Variants in CACNA1F observed in about 807,000 individuals in gnomAD.
The protein encoded by CACNA1F is voltage-dependent L-type calcium channel subunit alpha-1F.
Under a neutral mutation model 143.8 loss-of-function variants are expected in CACNA1F, and 59 were observed. That is an observed-to-expected ratio of 0.41 (90% CI 0.33 to 0.51). The LOEUF is 0.51. Among genes scored for constraint, CACNA1F ranks in the 20% least tolerant of loss-of-function variants. CACNA1F has a pLI of 0.22. For synonymous variants in CACNA1F, 643 were observed against 649.1 expected (o/e 0.99, Z 0.14); for missense variants, 1,411 against 1,647.5 (o/e 0.86, Z 2.48).
rs373076391 is a variant in CACNA1F at position 49,223,817 on chromosome X, C to T, written c.1878-681G>A. 6.7e-4 allele frequency among the ~76,000 whole-genome samples: 70 copies of T among 104,066 alleles called. 1 individual carries two copies. The East Asian group carries it at 0.018, about 27-fold the overall frequency. The allele number at this position is 104,066 out of a possible 115,157, so 90.4% of individuals were successfully genotyped here. The stretch of plus-strand genomic sequence containing the variant: ...CACAATCTCGTCTCACTGCAACCTC[C>T]ACCTTCCAGGTTCAAGCGATTCTCC... On this transcript the variant is annotated intron_variant, in intron 14 of 47. Coordinates refer to ENST00000323022, the MANE Select transcript of CACNA1F (RefSeq NM_001256789.3).
chrX:49,214,677 G>A (rs1376557966), intron 29 of CACNA1F, among the ~76,000 whole-genome samples: 1 of 111,932 alleles, frequency 8.9e-6, no homozygotes, highest in Non-Finnish European at 1.9e-5. Flanking sequence ...GAATGGTGAA[G>A]CAGAAAGATA....
intron 8 of CACNA1F, among the ~76,000 whole-genome samples, chrX:49,227,491 T>C (rs900660135): frequency 9.0e-6 from 1 of 111,463 alleles, no homozygotes; most frequent in Non-Finnish European, 1.9e-5. Context: ...TGCCCAGCTA[T>C]TTTTGTTCAT....
At position 49,207,099 on chromosome X, in the gene CACNA1F, C is replaced by A. The variant is rs1557105119; in HGVS notation, c.5137G>T (p.Ala1713Ser). ...TCTTCTGGGATGGTGAAAATGAGAG[C>A]CCCAGAGCCTCTCCTGGGGAAAGGG... is the stretch of plus-strand genomic sequence containing the variant. ...GSNTHRRGSG[A>S]LIFTIPEEGN... The change falls in exon 44 of 48, where the codon GCT becomes TCT. Residue 1713 changes from alanine (A) to serine (S), a missense_variant. Transcript: ENST00000323022. The A allele has an allele frequency of 4.2e-6, 5 of 1,179,255 alleles. No homozygotes were observed. Among genetic ancestry groups the A allele is most frequent in the Non-Finnish European group, 4.6e-6 (4 of 872,017 alleles).
chrX:49,218,546 G>A lies in CACNA1F; in HGVS notation c.2841-4C>T, dbSNP rs1557108022. ...CACCACCGAGATGGCGCTGGAGCTGGGGAAGGGGCAATCCTCAGGCATTGG... is the reference window on the plus strand; with the variant it reads ...CACCACCGAGATGGCGCTGGAGCTGAGGAAGGGGCAATCCTCAGGCATTGG... On this transcript the variant is annotated splice_region_variant and splice_polypyrimidine_tract_variant and intron_variant, in intron 23 of 47. Transcript: ENST00000323022. 1.7e-6 allele frequency: 2 copies of A among 1,192,597 alleles called. No homozygotes were observed. The highest frequency in any genetic ancestry group is 6.0e-5 in the East Asian group (2 of 33,180).
At position 49,209,950 on chromosome X, in the gene CACNA1F, G is replaced by T; in HGVS notation, c.4681C>A (p.Pro1561Thr). ...GGCGGGGATAGCTCACCGTCTGGTG[G>T]GGGGATGACCTCATCTAGCAGCTTC... is the stretch of plus-strand genomic sequence containing the variant. ...KQKLLDEVIP[P>T]PDEEEVTVGK... The change falls in exon 40 of 48, where the codon CCA (proline) becomes ACA (threonine). Residue 1561 changes from proline to threonine, a missense_variant. This residue lies in a region of CACNA1F where 349 missense variants were observed against 350.2 expected (regional missense o/e 1.00). Transcript: ENST00000323022. 1 of 1,198,790 alleles carries T rather than the reference G, an allele frequency of 8.3e-7. No individual in the cohort carries two copies. The highest frequency in any genetic ancestry group is 1.8e-5 in the South Asian group (1 of 56,732).
At chrX:49,209,810 C>T (rs1569527665) in intron 40 of CACNA1F, 51 bp from the exon 41 acceptor site, 1 of 1,193,979 alleles carries the variant, frequency 8.4e-7, no homozygotes, top group Non-Finnish European at 1.1e-6. Flanking sequence ...TCTGACCCAG[C>T]CCACCTCGCC....
chrX:49,225,134 A>T, intron 13 of CACNA1F, 148 bp from the exon 14 acceptor site: 1 of 456,644 alleles, frequency 2.2e-6, no homozygotes, highest in Non-Finnish European at 4.0e-6. Flanking sequence ...GATTGGGGTG[A>T]GTTTGTAGGT....
chrX:49,231,435 C>T (rs374672689), intron 2 of CACNA1F, 128 bp from the exon 3 acceptor site: 1 of 612,869 alleles, frequency 1.6e-6, no homozygotes, highest in Non-Finnish European at 2.7e-6. Context: ...CGACCCCTGC[C>T]CTGACAAGGC....
Position 49,212,759 on chromosome X carries a change from A to G in CACNA1F, c.3850T>C (p.Phe1284Leu). 8.3e-7 allele frequency: 1 copy of G among 1,210,511 alleles called. No homozygotes were observed. The highest frequency in any genetic ancestry group is 1.1e-6 in the Non-Finnish European group (1 of 894,782). ...EDSSRISITF[F>L]RLFRVMRLVK... ...AGCCGCATAACTCGGAAGAGGCGAA[A>G]GAAGGTAATGGAAATGCGGGAGCTG... Residue 1284 changes from phenylalanine to leucine, a missense_variant, in exon 33 of 48, where the codon TTT becomes CTT. This residue lies in a region of CACNA1F where 950 missense variants were observed against 1,128.1 expected (regional missense o/e 0.84). Transcript: ENST00000323022.
At position 49,212,595 on chromosome X, in the gene CACNA1F, G is replaced by A. The variant is rs782470583; in HGVS notation, c.3942+72C>T. Reference sequence around the variant, plus strand: ...CATGTTGGGAGATGTAGTTCTGAGGGTGGTAAAGGGGCAGGCTGAGAAGTG... The same window carrying A: ...CATGTTGGGAGATGTAGTTCTGAGGATGGTAAAGGGGCAGGCTGAGAAGTG... On this transcript the variant is annotated intron_variant, in intron 33 of 47. Coordinates refer to ENST00000323022, the MANE Select transcript of CACNA1F (RefSeq NM_001256789.3). 3.8e-6 allele frequency: 4 copies of A among 1,043,489 alleles called. No individual in the cohort carries two copies. The Admixed American group carries it at 9.1e-5, about 24-fold the overall frequency. 86.0% of individuals were successfully genotyped at this position (1,043,489 alleles called of 1,213,427 possible).
rs781845453 is a variant in CACNA1F, at chrX:49,223,004, C to T, written c.2010G>A (p.Lys670=). Residue 670 remains lysine (K), a synonymous_variant, in exon 15 of 48, where the codon AAG becomes AAA. Coordinates refer to ENST00000323022, the MANE Select transcript of CACNA1F (RefSeq NM_001256789.3). ...TGGTGTGGGTCTGGTCAAAGTTGAACTTGCCCCCAAACAGCTGCATGCCAA... is the reference window on the plus strand; with the variant it reads ...TGGTGTGGGTCTGGTCAAAGTTGAATTTGCCCCCAAACAGCTGCATGCCAA... ...SLLGMQLFGG[K]FNFDQTHTKR... is the part of the protein sequence containing the mutation. The T allele has an allele frequency of 1.7e-6, 2 of 1,197,937 alleles. No homozygotes were observed. The highest frequency in any genetic ancestry group is 2.3e-6 in the Non-Finnish European group (2 of 888,470).
chrX:49,211,291 G>T lies in CACNA1F; in HGVS notation c.4260+31C>A, dbSNP rs374006399. The T allele has an allele frequency of 5.8e-6, 7 of 1,202,775 alleles. No individual in the cohort carries two copies. In the African/African-American group the frequency reaches 1.1e-4, roughly 18 times the overall value. ...CCCCTCAGGGCCAGCCCCCGTGACG[G>T]TGGTGGTGGTTGTGAGGAAATGGTT... is the stretch of plus-strand genomic sequence containing the variant. On this transcript the variant is annotated intron_variant, in intron 36 of 47. Transcript: ENST00000323022.
chrX:49,219,429 G>A lies in CACNA1F; in HGVS notation c.2565C>T (p.Thr855=), dbSNP rs782109096. The A allele has an allele frequency of 1.7e-6, 2 of 1,206,726 alleles. No homozygotes were observed. Among genetic ancestry groups the A allele is most frequent in the Non-Finnish European group, 2.2e-6 (2 of 893,650 alleles). The part of the protein sequence containing the change: ...QTNPLRKGCH[T]LIHHHVFTNL... The stretch of plus-strand genomic sequence containing the variant: ...TGGTGAAGACATGATGGTGGATGAG[G>A]GTGTGGCAGCCCTTCCTCAGCCTGT... The change falls in exon 21 of 48, where the codon ACC becomes ACT. Residue 855 remains threonine (T), a synonymous_variant. Transcript: ENST00000323022.
Position 49,218,552 on chromosome X carries a change from G to A in CACNA1F, c.2841-10C>T. On this transcript the variant is annotated splice_polypyrimidine_tract_variant and intron_variant, in intron 23 of 47. Transcript: ENST00000323022. Reference sequence around the variant, plus strand: ...CGAGATGGCGCTGGAGCTGGGGAAGGGGCAATCCTCAGGCATTGGCCCTGG... The same window carrying A: ...CGAGATGGCGCTGGAGCTGGGGAAGAGGCAATCCTCAGGCATTGGCCCTGG... 1.7e-6 allele frequency: 2 copies of A among 1,191,928 alleles called. No individual in the cohort carries two copies. Among genetic ancestry groups the A allele is most frequent in the Non-Finnish European group, 2.3e-6 (2 of 885,167 alleles).
chrX:49,221,215 C>G, intron 17 of CACNA1F, 135 bp from the exon 18 acceptor site: 1 of 542,607 alleles, frequency 1.8e-6, no homozygotes, highest in Admixed American at 2.7e-5. Flanking sequence ...AGTCCGTTCT[C>G]AAAGCAGCCA....
In CACNA1F at chrX:49,213,890, C is replaced by T. The variant is rs1602632414; in HGVS notation, c.3721G>A (p.Asp1241Asn). The change falls in exon 31 of 48, where the codon GAT becomes AAT. Residue 1241 changes from aspartate (D) to asparagine (N), a missense_variant. Physicochemically the swap from Asp to Asn is conservative, Grantham distance 23. Transcript: ENST00000323022. ...IAFKPKHYFT[D>N]AWNTFDALIV... ...AGAGCGTCAAACGTGTTCCAGGCAT[C>T]AGTGAAGTAATGCTGCAAGTAGGAG... 8.4e-7 allele frequency: 1 copy of T among 1,194,380 alleles called. No individual in the cohort carries two copies. The highest frequency in any genetic ancestry group is 1.7e-5 in the African/African-American group (1 of 57,419).
rs202163542 is a variant in CACNA1F, at chrX:49,217,895, C to A, written c.3036+3G>T. On this transcript the variant is annotated splice_donor_region_variant and intron_variant, in intron 25 of 47. Coordinates refer to ENST00000323022, the MANE Select transcript of CACNA1F (RefSeq NM_001256789.3). Reference sequence around the variant, plus strand: ...CTGGCATTCCCTCCAGTGTTTGCCCCACCTTGAAGAGCTGCACCCCGATGC... The same window carrying A: ...CTGGCATTCCCTCCAGTGTTTGCCCAACCTTGAAGAGCTGCACCCCGATGC... The A allele has an allele frequency of 8.3e-7, 1 of 1,202,417 alleles. No homozygotes were observed. The highest frequency in any genetic ancestry group is 1.8e-5 in the African/African-American group (1 of 56,902).
In CACNA1F at chrX:49,211,946, C is replaced by T. The variant is rs375658952; in HGVS notation, c.4052G>A (p.Arg1351Gln). The change falls in exon 35 of 48, where the codon CGA (arginine) becomes CAA (glutamine). Residue 1351 changes from arginine (R) to glutamine (Q), a missense_variant. By Grantham distance (43) the Arg-to-Gln change is conservative. Around this residue, in one of 3 missense-constraint regions of CACNA1F, gnomAD observed 112 missense variants for 169.2 expected, o/e 0.66. Transcript: ENST00000323022. ...VALQDGTQIN[R>Q]NNNFQTFPQA... Reference sequence around the variant, plus strand: ...TGGAAAGGTCTGGAAGTTGTTGTTTCGGTTTATCTGTGTGCCATCCTGAAG... The same window carrying T: ...TGGAAAGGTCTGGAAGTTGTTGTTTTGGTTTATCTGTGTGCCATCCTGAAG... The T allele has an allele frequency of 2.8e-5, 34 of 1,209,682 alleles. No individual in the cohort carries two copies. Among genetic ancestry groups the T allele is most frequent in the Admixed American group, 4.4e-5 (2 of 45,840 alleles).
chrX:49,210,449 T>C lies in CACNA1F; in HGVS notation c.4486-46A>G, dbSNP rs782579176. On this transcript the variant is annotated intron_variant, in intron 38 of 47. Transcript: ENST00000323022. The stretch of plus-strand genomic sequence containing the variant: ...AAACCCACTCTGGGAAAATGCCGGG[T>C]ATGCAGGAACGAATGTCAAGGGGCA... 6 of 1,081,521 alleles carry C rather than the reference T, an allele frequency of 5.5e-6. No individual in the cohort carries two copies. The South Asian group carries it at 1.1e-4, about 20-fold the overall frequency. 89.1% of individuals were successfully genotyped at this position (1,081,521 alleles called of 1,213,427 possible).
Sources: gnomAD v4.1 joint callset for allele counts (sites outside exome capture counted in the v4.1 genomes callset) on GRCh38, gnomAD v4.1.1 for gene constraint, gnomAD v4.1.1 regional missense constraint, MANE v1.5 for transcripts, NCBI Gene and HGNC (gene_info 2026-07-23, HGNC 2026-07-21) for gene names.